GAPDH: variants seen among roughly 807,000 people sequenced by gnomAD.
GAPDH encodes glyceraldehyde-3-phosphate dehydrogenase, also known as OCAS, p38 component.
GAPDH carries 13 observed loss-of-function variants against 31.2 expected under a neutral mutation model. The observed-to-expected ratio is 0.42, with a 90% CI of 0.27 to 0.66. GAPDH has a LOEUF of 0.66. Among genes scored for constraint, GAPDH ranks in the 30% least tolerant of loss-of-function variants. The probability of loss-of-function intolerance (pLI) is 0.26; values close to 1 mark genes in which losing one functional copy is unlikely to be tolerated. For missense variants in GAPDH, 300 were observed against 443.7 expected, an observed-to-expected ratio of 0.68 and a Z score of 2.91; for synonymous variants, 211 against 166.9, an observed-to-expected ratio of 1.26 and a Z score of -2.04.
Position 6,537,458 on chromosome 12 carries a change from G to A in GAPDH, c.525+68G>A. On this transcript the variant is annotated intron_variant, in intron 7 of 8. Coordinates refer to ENST00000229239, the MANE Select transcript of GAPDH (RefSeq NM_002046.7). The surrounding 1 kb of genome is among the most constrained non-coding windows in gnomAD (Gnocchi z 4.9). Reference sequence around the variant, plus strand: ...ATCCAAGACTGGCTCCTCCCTGCCGGGGCTGCGTGCAACCCTGGGGTTGGG... The same window carrying A: ...ATCCAAGACTGGCTCCTCCCTGCCGAGGCTGCGTGCAACCCTGGGGTTGGG... The A allele has an allele frequency of 4.4e-6, 7 of 1,583,808 alleles. No individual in the cohort carries two copies. The highest frequency in any genetic ancestry group is 6.1e-6 in the Non-Finnish European group (7 of 1,155,332).
At position 6,538,150 on chromosome 12, in the gene GAPDH, C is replaced by T. The variant is rs1395181339; in HGVS notation, c.988C>T (p.His330Tyr). 11 of 1,611,502 alleles carry T rather than the reference C, an allele frequency of 6.8e-6. No individual in the cohort carries two copies. The highest frequency in any genetic ancestry group is 7.6e-6 in the Non-Finnish European group (9 of 1,179,888). The change falls in exon 9 of 9, where the codon CAC becomes TAC. Residue 330 changes from histidine (H) to tyrosine (Y), a missense_variant. Physicochemically the swap from His to Tyr is moderately conservative, Grantham distance 83. Coordinates refer to ENST00000229239, the MANE Select transcript of GAPDH (RefSeq NM_002046.7). Reference sequence around the variant, plus strand: ...CAACAGGGTGGTGGACCTCATGGCCCACATGGCCTCCAAGGAGTAAGACCC... The same window carrying T: ...CAACAGGGTGGTGGACCTCATGGCCTACATGGCCTCCAAGGAGTAAGACCC... ...YSNRVVDLMA[H>Y]MASKE is the part of the protein sequence containing the mutation.
intron 2 of GAPDH, among the ~76,000 whole-genome samples, chr12:6,535,947 G>C (rs930458278): frequency 2.0e-5 from 3 of 152,206 alleles, no homozygotes; most frequent in African/African-American, 7.2e-5. Flanking sequence ...CAGGCAACTT[G>C]GCAAATCAAA....
In GAPDH at chr12:6,538,119, C is replaced by T; in HGVS notation, c.957C>T (p.Gly319=). 2.5e-6 allele frequency: 4 copies of T among 1,613,796 alleles called. No individual in the cohort carries two copies. The highest frequency in any genetic ancestry group is 2.5e-6 in the Non-Finnish European group (3 of 1,180,002). Residue 319 remains glycine, a synonymous_variant, in exon 9 of 9, where the codon GGC becomes GGT. Coordinates refer to ENST00000229239, the MANE Select transcript of GAPDH (RefSeq NM_002046.7). ...CTTCTAGGTATGACAACGAATTTGG[C>T]TACAGCAACAGGGTGGTGGACCTCA... ...KLISWYDNEF[G]YSNRVVDLMA... is the part of the protein sequence containing the mutation.
rs1295429957 is a variant in GAPDH, at chr12:6,537,440, A to G, written c.525+50A>G. ...GAGGCTCCCACCTTTCTCATCCAAG[A>G]CTGGCTCCTCCCTGCCGGGGCTGCG... On this transcript the variant is annotated intron_variant, in intron 7 of 8. Coordinates refer to ENST00000229239, the MANE Select transcript of GAPDH (RefSeq NM_002046.7). The surrounding 1 kb of genome is among the most constrained non-coding windows in gnomAD (Gnocchi z 4.9). The G allele has an allele frequency of 6.3e-7, 1 of 1,589,802 alleles. No homozygotes were observed. Among genetic ancestry groups the G allele is most frequent in the Non-Finnish European group, 8.6e-7 (1 of 1,160,292 alleles).
rs773593337 is a variant in GAPDH at position 6,536,473 on chromosome 12, TTCTTGCC to T, written c.30-15_30-9del. ...TGGAGGAGCCTCCCCTCCTCATGCC[TTCTTGCC>T]TCTTGTCTCTTAGATTTGGTCGTAT... is the stretch of plus-strand genomic sequence containing the variant. On this transcript the variant is annotated splice_polypyrimidine_tract_variant and intron_variant, in intron 2 of 8. Coordinates refer to ENST00000229239, the MANE Select transcript of GAPDH (RefSeq NM_002046.7). The T allele has an allele frequency of 3.1e-6, 5 of 1,590,608 alleles. No homozygotes were observed. Among genetic ancestry groups the T allele is most frequent in the Admixed American group, 3.3e-5 (2 of 59,974 alleles).
intron 2 of GAPDH, among the ~76,000 whole-genome samples, chr12:6,536,152 G>A (rs1001428291): frequency 6.6e-6 from 1 of 152,220 alleles, no homozygotes; most frequent in African/African-American, 2.4e-5. Context: ...AGCTGAGCTA[G>A]GCAGCAGCAA....
rs544664698 is a variant in GAPDH, at chr12:6,535,484, T to G, written c.29+623T>G. The G allele has an allele frequency of 2.5e-4, 245 of 981,346 alleles. 1 individual carries two copies. The African/African-American group carries it at 4.0e-3, about 16-fold the overall frequency. The allele number at this position is 981,346 out of a possible 1,614,324, so 60.8% of individuals were successfully genotyped here. ...ATTATTCTCTGGTAAATCAAAGAAG[T>G]GGGTTTATGGAGGTCCTCTTGTGTC... On this transcript the variant is annotated intron_variant, in intron 2 of 8. Coordinates refer to ENST00000229239, the MANE Select transcript of GAPDH (RefSeq NM_002046.7).
intron 2 of GAPDH, 42 bp downstream of exon 2, chr12:6,534,903 C>T: frequency 6.2e-7 from 1 of 1,604,904 alleles, no homozygotes; most frequent in East Asian, 2.2e-5. Context: ...CTGCGACCGC[C>T]CCCGAACCGC....
chr12:6,534,755 G>C, intron 1 of GAPDH, 55 bp from the exon 2 acceptor site: 1 of 1,466,048 alleles, frequency 6.8e-7, no homozygotes, highest in Non-Finnish European at 9.5e-7. Context: ...GGGGAGGGGA[G>C]GCGTGTGTGT....
intron 2 of GAPDH, chr12:6,535,370 C>T: frequency 5.1e-6 from 5 of 989,922 alleles, no homozygotes; most frequent in Non-Finnish European, 6.0e-6. Flanking sequence ...TGCGCTCCTG[C>T]CTCGATGGGT....
rs746840589 is a variant in GAPDH, at chr12:6,537,312, T to C, written c.447T>C (p.Asn149=). The change falls in exon 7 of 9, where the codon AAT becomes AAC. Residue 149 remains asparagine, a synonymous_variant. Transcript: ENST00000229239. This position sits in a 1 kb window ranked among gnomAD's most constrained non-coding sequence, Gnocchi z 4.9. ...CCCGCTCCCTCTTTCTTTGCAGCAA[T>C]GCCTCCTGCACCACCAACTGCTTAG... ...KYDNSLKIIS[N]ASCTTNCLAP... The C allele has an allele frequency of 5.6e-6, 9 of 1,611,140 alleles. No homozygotes were observed. In the South Asian group the frequency reaches 9.9e-5, roughly 18 times the overall value.
chr12:6,538,035 C>G (rs1432444028), intron 8 of GAPDH, 39 bp downstream of exon 8: 1 of 1,597,004 alleles, frequency 6.3e-7, no homozygotes, highest in Admixed American at 1.8e-5. Context: ...TTAAAAAGTG[C>G]AGGGTCTGGC....
intron 2 of GAPDH, 21 bp from the exon 3 acceptor site, chr12:6,536,473 T>G: frequency 6.3e-7 from 1 of 1,590,608 alleles, no homozygotes; most frequent in Non-Finnish European, 8.6e-7. Context: ...TCCTCATGCC[T>G]TCTTGCCTCT....
In GAPDH at chr12:6,537,574, C is replaced by G. The variant is rs1271350929; in HGVS notation, c.526-10C>G. The G allele has an allele frequency of 1.9e-6, 3 of 1,601,370 alleles. No individual in the cohort carries two copies. Among genetic ancestry groups the G allele is most frequent in the East Asian group, 4.6e-5 (2 of 43,452 alleles). On this transcript the variant is annotated splice_polypyrimidine_tract_variant and intron_variant, in intron 7 of 8. Coordinates refer to ENST00000229239, the MANE Select transcript of GAPDH (RefSeq NM_002046.7). The surrounding 1 kb of genome is among the most constrained non-coding windows in gnomAD (Gnocchi z 4.9). ...GGGGAGTACGCTGCAGGGCCTCACT[C>G]CTTTTGCAGACCACAGTCCATGCCA...
In GAPDH at chr12:6,538,272, C is replaced by T. The variant is rs1038622136; in HGVS notation, c.*102C>T. The T allele has an allele frequency of 2.1e-6, 2 of 961,690 alleles. No individual in the cohort carries two copies. The highest frequency in any genetic ancestry group is 1.6e-5 in the African/African-American group (1 of 61,756). The allele number at this position is 961,690 out of a possible 1,614,324, so 59.6% of individuals were successfully genotyped here. On this transcript the variant is annotated 3_prime_UTR_variant, in exon 9 of 9. Coordinates refer to ENST00000229239, the MANE Select transcript of GAPDH (RefSeq NM_002046.7). ...CTCAGTCCCCCACCACACTGAATCT[C>T]CCCTCCTCACAGTTGCCATGTAGAC... is the stretch of plus-strand genomic sequence containing the variant.
Position 6,537,080 on chromosome 12 carries a change from C to A in GAPDH, c.328-21C>A. The A allele has an allele frequency of 6.2e-7, 1 of 1,608,882 alleles. No homozygotes were observed. The highest frequency in any genetic ancestry group is 8.5e-7 in the Non-Finnish European group (1 of 1,177,900). ...GCAAAGGCAGGACCCGGGTTCATAA[C>A]TGTCTGCTTCTCTGCTGTAGGCTCA... On this transcript the variant is annotated intron_variant, in intron 5 of 8. Transcript: ENST00000229239. This position sits in a 1 kb window ranked among gnomAD's most constrained non-coding sequence, Gnocchi z 4.9.
At chr12:6,536,083 C>T (rs527649848) in intron 2 of GAPDH, among the ~76,000 whole-genome samples, 10 of 152,226 alleles carry the variant, frequency 6.6e-5, no homozygotes, top group Non-Finnish European at 1.2e-4. Context: ...CTGACCTTTA[C>T]TCCTGCCCTT....
At chr12:6,536,449 G>A in intron 2 of GAPDH, 45 bp from the exon 3 acceptor site, 1 of 1,405,968 alleles carries the variant, frequency 7.1e-7, no homozygotes, top group East Asian at 2.3e-5. Context: ...CACATATTCT[G>A]GAGGAGCCTC....
Position 6,537,738 on chromosome 12 carries a change from A to C in GAPDH, c.680A>C (p.Lys227Thr). 1 of 1,611,712 alleles carries C rather than the reference A, an allele frequency of 6.2e-7. No individual in the cohort carries two copies. Among genetic ancestry groups the C allele is most frequent in the Non-Finnish European group, 8.5e-7 (1 of 1,179,848 alleles). ...AAGGTCATCCCTGAGCTGAACGGGA[A>C]GCTCACTGGCATGGCCTTCCGTGTC... is the stretch of plus-strand genomic sequence containing the variant. ...VGKVIPELNG[K>T]LTGMAFRVPT... The change falls in exon 8 of 9, where the codon AAG becomes ACG. Residue 227 changes from lysine to threonine, a missense_variant. Lys to Thr is a moderately conservative substitution (Grantham distance 78). Transcript: ENST00000229239. The surrounding 1 kb of genome is among the most constrained non-coding windows in gnomAD (Gnocchi z 4.9).
Sources: allele counts gnomAD v4.1 joint callset (sites outside exome capture counted in the v4.1 genomes callset), GRCh38; gene constraint gnomAD v4.1.1; non-coding constraint Gnocchi (gnomAD v3.1); transcripts MANE v1.5; gene names NCBI Gene and HGNC (gene_info 2026-07-23, HGNC 2026-07-21).